GFRA2: variants seen among roughly 807,000 people sequenced by gnomAD.
The protein encoded by GFRA2 is GDNF family receptor alpha-2.
In GFRA2, 17 loss-of-function variants were observed where a neutral mutation model predicts 48.3. That is an observed-to-expected ratio of 0.35 (90% CI 0.24 to 0.53). The LOEUF is 0.53. Among genes scored for constraint, GFRA2 ranks in the 20% least tolerant of loss-of-function variants. The probability of loss-of-function intolerance (pLI) is 0.93; values close to 1 mark genes in which losing one functional copy is unlikely to be tolerated. For synonymous variants in GFRA2, 305 were observed against 257.2 expected (o/e 1.19, Z -1.78); for missense variants, 660 against 637.3 (o/e 1.04, Z -0.38).
rs1805230888 is a variant in GFRA2, at chr8:21,750,412, A to G, written c.794+176T>C. ...AGTAGATGGATGGATGAATGGATGAATGAAATGGAAAATTCATTTTGCACA... is the reference window on the plus strand; with the variant it reads ...AGTAGATGGATGGATGAATGGATGAGTGAAATGGAAAATTCATTTTGCACA... On this transcript the variant is annotated intron_variant, in intron 4 of 8. Coordinates refer to ENST00000524240, the MANE Select transcript of GFRA2 (RefSeq NM_001495.5). This position sits in a 1 kb window ranked among gnomAD's most constrained non-coding sequence, Gnocchi z 5.7. 6.6e-6 allele frequency among the ~76,000 whole-genome samples: 1 copy of G among 152,244 alleles called. No individual in the cohort carries two copies. Among genetic ancestry groups the G allele is most frequent in the Admixed American group, 6.5e-5 (1 of 15,286 alleles).
At chr8:21,697,492 T>C (rs1292425419) in intron 7 of GFRA2, among the ~76,000 whole-genome samples, 1 of 151,960 alleles carries the variant, frequency 6.6e-6, no homozygotes, top group East Asian at 1.9e-4. Flanking sequence ...GTGGGAGTGT[T>C]GCCCAGCAGC....
chr8:21,693,864 A>G lies in GFRA2; in HGVS notation c.1273-464T>C, dbSNP rs1056462853. ...TCGCCCTGTTTCTCAATTTCTTCCA[A>G]TCCCCACTCCTCCATGAAGCCCTCC... On this transcript the variant is annotated intron_variant, in intron 8 of 8. Coordinates refer to ENST00000524240, the MANE Select transcript of GFRA2 (RefSeq NM_001495.5). 1.2e-3 allele frequency among the ~76,000 whole-genome samples: 11 copies of G among 8,924 alleles called. No homozygotes were observed. The East Asian group carries it at 0.041, about 34-fold the overall frequency. The allele number at this position is 8,924 out of a possible 152,430, so 5.9% of individuals were successfully genotyped here.
chr8:21,773,074 C>T (rs1230162536), intron 3 of GFRA2, among the ~76,000 whole-genome samples: 1 of 152,210 alleles, frequency 6.6e-6, no homozygotes, highest in Non-Finnish European at 1.5e-5. Context: ...CTTCTGAGCC[C>T]CAGAGCACTG....
Position 21,788,488 on chromosome 8 carries a change from T to C in GFRA2, c.-329A>G. On this transcript the variant is annotated 5_prime_UTR_variant, in exon 1 of 9. Transcript: ENST00000524240. ...TCCCCTCCAATCGTCCGGGAAGGCG[T>C]GAGTCCCCGCGGGTCCAATTCCCCT... 9.2e-7 allele frequency: 1 copy of C among 1,086,238 alleles called. No homozygotes were observed. Among genetic ancestry groups the C allele is most frequent in the Non-Finnish European group, 1.1e-6 (1 of 896,440 alleles). The allele number at this position is 1,086,238 out of a possible 1,614,324, so 67.3% of individuals were successfully genotyped here. A position where few individuals can be genotyped will look rare whatever the true frequency, so the allele number is the denominator to read the frequency against.
At chr8:21,791,603 C>T (rs910283614), upstream of GFRA2, among the ~76,000 whole-genome samples, 2 of 152,148 alleles carry the variant, frequency 1.3e-5, no homozygotes, top group Non-Finnish European at 2.9e-5. Context: ...ACTATAACAC[C>T]TTATAGATAA....
At chr8:21,793,061 T>A (rs1206392060), upstream of GFRA2, among the ~76,000 whole-genome samples, 3 of 151,404 alleles carry the variant, frequency 2.0e-5, no homozygotes, top group Admixed American at 6.6e-5. Flanking sequence ...AGCGAGACCC[T>A]GCCTCAAAAA....
intron 7 of GFRA2, among the ~76,000 whole-genome samples, chr8:21,695,087 A>G (rs1029924857): frequency 6.6e-6 from 1 of 152,180 alleles, no homozygotes; most frequent in African/African-American, 2.4e-5. Context: ...CATTAGGTGG[A>G]TATCTGGCAA....
intron 3 of GFRA2, among the ~76,000 whole-genome samples, chr8:21,751,919 G>GA (rs1805313226): frequency 6.6e-6 from 1 of 152,168 alleles, no homozygotes; most frequent in Non-Finnish European, 1.5e-5. Flanking sequence ...ACCAAGAGGA[G>GA]AACAGCACAA....
At position 21,705,193 on chromosome 8, in the gene GFRA2, C is replaced by T. The variant is rs1802681393; in HGVS notation, c.905-68G>A. ...GGGCCTTCCCCTTGGGCCCACAGAC[C>T]AACCCCAGGCACAGCAGGGCAGAGG... On this transcript the variant is annotated intron_variant, in intron 5 of 8. Coordinates refer to ENST00000524240, the MANE Select transcript of GFRA2 (RefSeq NM_001495.5). 6 of 1,506,772 alleles carry T rather than the reference C, an allele frequency of 4.0e-6. No individual in the cohort carries two copies. In the Admixed American group the frequency reaches 1.0e-4, roughly 25 times the overall value. The allele number at this position is 1,506,772 out of a possible 1,614,324, so 93.3% of individuals were successfully genotyped here. A position where few individuals can be genotyped will look rare whatever the true frequency, so the allele number is the denominator to read the frequency against.
intron 4 of GFRA2, among the ~76,000 whole-genome samples, chr8:21,744,953 T>A (rs975376276): frequency 2.0e-5 from 3 of 152,180 alleles, no homozygotes; most frequent in Non-Finnish European, 2.9e-5. Flanking sequence ...CCTCAGCCAC[T>A]GACCCCAAAC....
At chr8:21,808,544 G>A (rs1181775918) in intron 1 of GFRA2, among the ~76,000 whole-genome samples, 1 of 152,242 alleles carries the variant, frequency 6.6e-6, no homozygotes, top group Non-Finnish European at 1.5e-5. Context: ...AACCCCTGTA[G>A]GACGGGACTT....
Position 21,750,694 on chromosome 8 carries a change from C to A in GFRA2, c.688G>T (p.Ala230Ser). 3.7e-6 allele frequency: 6 copies of A among 1,613,824 alleles called. No homozygotes were observed. Among genetic ancestry groups the A allele is most frequent in the South Asian group, 2.2e-5 (2 of 91,088 alleles). Reference protein sequence around the residue: ...LFCSCQDQACAERRRQTILPS... With the variant: ...LFCSCQDQACSERRRQTILPS... ...AGGATGGTTTGCCGGCGGCGCTCAG[C>A]GCACGCCTGGTCTTGGCAGGAGCAG... Residue 230 changes from alanine to serine, a missense_variant, in exon 4 of 9, where the codon GCT becomes TCT. Coordinates refer to ENST00000524240, the MANE Select transcript of GFRA2 (RefSeq NM_001495.5). This position sits in a 1 kb window ranked among gnomAD's most constrained non-coding sequence, Gnocchi z 5.7.
chr8:21,791,277 A>C (rs1427804392), upstream of GFRA2, among the ~76,000 whole-genome samples: 5 of 152,272 alleles, frequency 3.3e-5, no homozygotes, highest in East Asian at 9.6e-4. Flanking sequence ...GGGAGTAGGA[A>C]AGAGGATTCC....
chr8:21,699,721 G>A (rs10108480), intron 7 of GFRA2, among the ~76,000 whole-genome samples: 15,400 of 152,210 alleles, frequency 0.1, 1,209 homozygotes, highest in African/African-American at 0.21. Context: ...GCGCACAGAG[G>A]GCACCTAGGA....
chr8:21,797,887 A>G (rs1315455055), intron 2 of GFRA2: 1 of 152,170 alleles, frequency 6.6e-6, no homozygotes, highest in Non-Finnish European at 1.5e-5. Flanking sequence ...AGAAAGCAGC[A>G]TGTCTGCCCC....
intron 4 of GFRA2, among the ~76,000 whole-genome samples, chr8:21,737,560 C>A (rs1324606737): frequency 1.3e-5 from 2 of 151,994 alleles, no homozygotes; most frequent in African/African-American, 4.8e-5. Context: ...TCCAGGACAT[C>A]CCAAAGCTCC....
chr8:21,747,421 T>C (rs368533027), intron 4 of GFRA2, among the ~76,000 whole-genome samples: 2 of 152,296 alleles, frequency 1.3e-5, no homozygotes, highest in East Asian at 3.9e-4. Context: ...CATAGTTTCA[T>C]CTTCAATCGC....
chr8:21,793,068 A>G (rs370127037), upstream of GFRA2, among the ~76,000 whole-genome samples: 3,665 of 151,158 alleles, frequency 0.024, 158 homozygotes, highest in African/African-American at 0.084. Context: ...CCCTGCCTCA[A>G]AAAAAAAAGA....
At chr8:21,701,221 C>T (rs549066209) in intron 7 of GFRA2, among the ~76,000 whole-genome samples, 5 of 152,120 alleles carry the variant, frequency 3.3e-5, no homozygotes, top group Admixed American at 6.5e-5. Context: ...GGTGAAACCC[C>T]GTCTCTACTA....
Sources: gnomAD v4.1 joint callset for allele counts (sites outside exome capture counted in the v4.1 genomes callset) on GRCh38, gnomAD v4.1.1 for gene constraint, Gnocchi (gnomAD v3.1) non-coding constraint, MANE v1.5 for transcripts, NCBI Gene and HGNC (gene_info 2026-07-23, HGNC 2026-07-21) for gene names.